SDHAF3: variants seen among roughly 807,000 people sequenced by gnomAD.
SDHAF3 encodes succinate dehydrogenase assembly factor 3, mitochondrial.
In SDHAF3, 18 loss-of-function variants were observed where a neutral mutation model predicts 11.5. The ratio of observed to expected loss-of-function variants is 1.56; its 90% CI spans 1.08 to 2.32. The LOEUF (loss-of-function observed/expected upper bound fraction) is 2.32, where lower values mean the gene tolerates loss of function less well. Ranked by LOEUF, SDHAF3 falls within the 30% of genes most tolerant of loss-of-function variation. The pLI, the probability that SDHAF3 is intolerant of heterozygous loss-of-function variation, is 0.00. For missense variants in SDHAF3, 200 were observed against 154.4 expected, an observed-to-expected ratio of 1.30 and a Z score of -1.57; for synonymous variants, 72 against 59.3, an observed-to-expected ratio of 1.21 and a Z score of -0.99.
Position 97,143,445 on chromosome 7 carries a change from C to T in SDHAF3, c.174+25548C>T, listed in dbSNP as rs185989765. Among the ~76,000 whole-genome samples, 229 of 152,110 alleles carry T rather than the reference C, an allele frequency of 1.5e-3. 2 individuals are homozygous for T. The highest frequency in any genetic ancestry group is 5.3e-4 in the Non-Finnish European group (36 of 67,994). On this transcript the variant is annotated intron_variant, in intron 1 of 1. Transcript: ENST00000432641. ...GCACCATATTTGTAGTCTTTTATCC[C>T]TCACACCCCTCCCACTCTTTCCCCC...
chr7:97,160,165 C>T (rs1401277561), intron 1 of SDHAF3, among the ~76,000 whole-genome samples: 2 of 126,892 alleles, frequency 1.6e-5, no homozygotes, highest in Non-Finnish European at 3.2e-5. Context: ...AGGTGAGTAG[C>T]GCCCCTGCCC....
chr7:97,146,112 T>TC (rs1789129853), intron 1 of SDHAF3, among the ~76,000 whole-genome samples: 3 of 119,934 alleles, frequency 2.5e-5, no homozygotes, highest in East Asian at 2.6e-4. Context: ...TAAATAGGCT[T>TC]TCCCCCCCCC....
intron 1 of SDHAF3, among the ~76,000 whole-genome samples, 160 bp from the exon 2 acceptor site, chr7:97,180,852 A>G (rs1358224777): frequency 2.0e-5 from 3 of 152,246 alleles, no homozygotes; most frequent in South Asian, 2.1e-4. Flanking sequence ...GAAATGATCA[A>G]TGAATTGTAT....
intron 1 of SDHAF3, among the ~76,000 whole-genome samples, chr7:97,149,523 C>T (rs529424942): frequency 6.6e-6 from 1 of 152,188 alleles, no homozygotes; most frequent in Non-Finnish European, 1.5e-5. Context: ...GCAAATATTG[C>T]AATAAAATGA....
intron 1 of SDHAF3, among the ~76,000 whole-genome samples, chr7:97,137,757 A>G (rs1788951257): frequency 6.6e-6 from 1 of 151,830 alleles, no homozygotes. Flanking sequence ...TATGAGTAGT[A>G]TGAGTACAAG....
Position 97,117,702 on chromosome 7 carries a change from T to A in SDHAF3, c.-22T>A, listed in dbSNP as rs770425265. 1.3e-5 allele frequency: 21 copies of A among 1,604,200 alleles called. No individual in the cohort carries two copies. Among genetic ancestry groups the A allele is most frequent in the Non-Finnish European group, 1.8e-5 (21 of 1,175,070 alleles). On this transcript the variant is annotated 5_prime_UTR_variant, in exon 1 of 2. Transcript: ENST00000432641. The stretch of plus-strand genomic sequence containing the variant: ...GCGCCGTCCCTCTGCGCAGGCGCAG[T>A]CGGCGGTCGGCGTGGGGCGCTATGC...
At chr7:97,130,659 G>A (rs1030798636) in intron 1 of SDHAF3, among the ~76,000 whole-genome samples, 6 of 152,230 alleles carry the variant, frequency 3.9e-5, no homozygotes, top group African/African-American at 1.2e-4. Context: ...GGAGGGCTAC[G>A]ACCATTTGGC....
chr7:97,176,604 A>T (rs1418215552), intron 1 of SDHAF3, among the ~76,000 whole-genome samples: 1 of 152,150 alleles, frequency 6.6e-6, no homozygotes, highest in Non-Finnish European at 1.5e-5. Context: ...TGCTGTTGCA[A>T]GTACATGGAG....
intron 1 of SDHAF3, among the ~76,000 whole-genome samples, chr7:97,148,256 C>T (rs78846715): frequency 0.025 from 3,838 of 152,180 alleles, 148 homozygotes; most frequent in African/African-American, 0.088. Flanking sequence ...AATTTCCAGC[C>T]GGGCACAGTG....
chr7:97,141,979 A>T (rs1347334774), intron 1 of SDHAF3, among the ~76,000 whole-genome samples: 4 of 151,258 alleles, frequency 2.6e-5, no homozygotes, highest in African/African-American at 9.7e-5. Context: ...TTTGACAAAG[A>T]CCAAATATGC....
intron 1 of SDHAF3, among the ~76,000 whole-genome samples, chr7:97,137,868 CTTTTTTTTTTTTT>C (rs11381462): frequency 2.9e-5 from 2 of 69,108 alleles, no homozygotes; most frequent in African/African-American, 6.1e-5. Flanking sequence ...ATTCCATTCG[CTTTTTTTTTTTTT>C]TTTTTTTTTT....
At chr7:97,140,685 C>T (rs1789020021) in intron 1 of SDHAF3, among the ~76,000 whole-genome samples, 1 of 152,178 alleles carries the variant, frequency 6.6e-6, no homozygotes, top group South Asian at 2.1e-4. Context: ...CCAATCGATA[C>T]CCTGTGATTT....
intron 1 of SDHAF3, among the ~76,000 whole-genome samples, chr7:97,154,576 G>GT (rs1188044444): frequency 6.6e-6 from 1 of 151,770 alleles, no homozygotes. Flanking sequence ...GCTGTAGTTT[G>GT]TTTTTTTATC....
At chr7:97,125,315 C>T (rs113844083) in intron 1 of SDHAF3, among the ~76,000 whole-genome samples, 7 of 152,032 alleles carry the variant, frequency 4.6e-5, no homozygotes, top group African/African-American at 1.4e-4. Flanking sequence ...TAATTGTGAC[C>T]GTAGGGTGTC....
intron 1 of SDHAF3, among the ~76,000 whole-genome samples, chr7:97,131,293 C>A (rs1465101107): frequency 6.6e-6 from 1 of 152,128 alleles, no homozygotes; most frequent in Admixed American, 6.5e-5. Flanking sequence ...TCTTAATCAT[C>A]TTTTTATCTT....
At chr7:97,174,969 A>G (rs1011501707) in intron 1 of SDHAF3, among the ~76,000 whole-genome samples, 1 of 152,114 alleles carries the variant, frequency 6.6e-6, no homozygotes, top group African/African-American at 2.4e-5. Flanking sequence ...TTTCCTGTAA[A>G]TTGATAATTA....
intron 1 of SDHAF3, among the ~76,000 whole-genome samples, chr7:97,133,527 A>T (rs968446079): frequency 2.6e-5 from 4 of 152,196 alleles, no homozygotes; most frequent in Admixed American, 2.6e-4. Flanking sequence ...TTTCCTGAAC[A>T]GTACTGAATG....
intron 1 of SDHAF3, among the ~76,000 whole-genome samples, chr7:97,176,435 T>A (rs756258762): frequency 6.6e-6 from 1 of 152,246 alleles, no homozygotes; most frequent in Non-Finnish European, 1.5e-5. Flanking sequence ...AGTATTTTTC[T>A]GTTCTGAGTC....
At chr7:97,143,570 G>C (rs1354547092) in intron 1 of SDHAF3, among the ~76,000 whole-genome samples, 2 of 151,912 alleles carry the variant, frequency 1.3e-5, no homozygotes, top group Non-Finnish European at 2.9e-5. Flanking sequence ...TTTTCCATTC[G>C]TGAGTTACGT....
Sources: gnomAD v4.1 joint callset for allele counts (sites outside exome capture counted in the v4.1 genomes callset) on GRCh38, gnomAD v4.1.1 for gene constraint, MANE v1.5 for transcripts, NCBI Gene and HGNC (gene_info 2026-07-23, HGNC 2026-07-21) for gene names.